The following SPRED1 variants were observed in gnomAD, a reference collection of about 807,000 sequenced individuals.
SPRED1 encodes the protein sprouty-related, EVH1 domain-containing protein 1.
SPRED1 carries 18 observed loss-of-function variants against 52.3 expected under a neutral mutation model. The observed-to-expected ratio is 0.34, with a 90% confidence interval of 0.24 to 0.51. The LOEUF (loss-of-function observed/expected upper bound fraction) is 0.51. SPRED1 is among the 20% of genes least tolerant of loss of function. The pLI, the probability that SPRED1 is intolerant of heterozygous loss-of-function variation, is 0.97. For missense variants in SPRED1, 485 were observed against 551.0 expected (o/e 0.88, Z 1.20); for synonymous variants, 155 against 179.7 (o/e 0.86, Z 1.10).
intron 1 of SPRED1, among the ~76,000 whole-genome samples, chr15:38,271,254 G>A (rs1167218793): frequency 6.6e-6 from 1 of 152,196 alleles, no homozygotes; most frequent in African/African-American, 2.4e-5. Flanking sequence ...TCAAAGTCAT[G>A]TGTATGCTGC....
chr15:38,260,184 C>T (rs1894178973), intron 1 of SPRED1, among the ~76,000 whole-genome samples: 1 of 152,136 alleles, frequency 6.6e-6, no homozygotes, highest in Admixed American at 6.5e-5. Context: ...ACTAAAGGTC[C>T]AAAATCAAAA....
In SPRED1 at chr15:38,355,597, A is replaced by G. The variant is rs1049232738; in HGVS notation, c.*3933A>G. The G allele has an allele frequency of 6.6e-6, 1 of 152,208 alleles. No homozygotes were observed. Among genetic ancestry groups the G allele is most frequent in the African/African-American group, 2.4e-5 (1 of 41,458 alleles). 9.4% of individuals were successfully genotyped at this position (152,208 alleles called of 1,614,324 possible). A position where few individuals can be genotyped will look rare whatever the true frequency, so the allele number is the denominator to read the frequency against. ...GTTGAAATTTACATTCGATTTTGTG[A>G]TTACACTTGGAAGTATGTGTTAAAT... On this transcript the variant is annotated 3_prime_UTR_variant, in exon 7 of 7. Coordinates refer to ENST00000299084, the MANE Select transcript of SPRED1 (RefSeq NM_152594.3).
intron 1 of SPRED1, among the ~76,000 whole-genome samples, chr15:38,291,216 A>AC (rs1212269268): frequency 6.6e-6 from 1 of 152,212 alleles, no homozygotes; most frequent in African/African-American, 2.4e-5. Flanking sequence ...ATCTCCTTTG[A>AC]CCCCATGTCT....
intron 4 of SPRED1, among the ~76,000 whole-genome samples, chr15:38,337,473 T>G (rs998078061): frequency 2.6e-5 from 4 of 152,242 alleles, no homozygotes; most frequent in Non-Finnish European, 5.9e-5. Flanking sequence ...ATAAATTCAC[T>G]GTGCGATATG....
chr15:38,262,751 T>G (rs915008478), intron 1 of SPRED1, among the ~76,000 whole-genome samples: 5 of 152,220 alleles, frequency 3.3e-5, no homozygotes, highest in South Asian at 2.1e-4. Flanking sequence ...TGAATATTTA[T>G]CTGACTGGTT....
At chr15:38,272,557 A>G (rs1478609190) in intron 1 of SPRED1, among the ~76,000 whole-genome samples, 2 of 152,172 alleles carry the variant, frequency 1.3e-5, no homozygotes, top group Non-Finnish European at 1.5e-5. Context: ...GGTGTGAGCC[A>G]CTGTGCCCGA....
intron 2 of SPRED1, 65 bp downstream of exon 2, chr15:38,299,612 A>T: frequency 1.3e-6 from 2 of 1,500,382 alleles, no homozygotes; most frequent in South Asian, 2.3e-5. Context: ...AGTTATGATT[A>T]GTATACTGTT....
intron 1 of SPRED1, among the ~76,000 whole-genome samples, chr15:38,258,016 G>A (rs1372297486): frequency 2.6e-5 from 4 of 152,162 alleles, no homozygotes; most frequent in Non-Finnish European, 4.4e-5. Context: ...GAACAGGAAC[G>A]ACATTAAAAA....
intron 4 of SPRED1, among the ~76,000 whole-genome samples, chr15:38,336,459 A>G (rs1321215040): frequency 1.5e-5 from 2 of 136,270 alleles, no homozygotes; most frequent in Non-Finnish European, 3.2e-5. Context: ...TGTTATATAT[A>G]TAATATTTTA....
At chr15:38,310,171 G>A (rs114482765) in intron 2 of SPRED1, among the ~76,000 whole-genome samples, 1,606 of 91,504 alleles carry the variant, frequency 0.018, 15 homozygotes, top group Middle Eastern at 0.063. Flanking sequence ...ACGAAGTTTC[G>A]CTCTTGTTGC....
chr15:38,264,480 G>A (rs1894263922), intron 1 of SPRED1, among the ~76,000 whole-genome samples: 1 of 152,194 alleles, frequency 6.6e-6, no homozygotes, highest in Non-Finnish European at 1.5e-5. Flanking sequence ...ATAGAACAAT[G>A]GCTCCAGAGT....
intron 2 of SPRED1, among the ~76,000 whole-genome samples, chr15:38,311,301 C>T (rs766327499): frequency 3.3e-5 from 5 of 152,062 alleles, no homozygotes; most frequent in South Asian, 2.1e-4. Flanking sequence ...ATTTTTGATA[C>T]GTTGTTGGAC....
intron 5 of SPRED1, among the ~76,000 whole-genome samples, chr15:38,341,394 A>AT (rs1288654363): frequency 1.4e-4 from 20 of 147,720 alleles, no homozygotes; most frequent in Admixed American, 3.4e-4. Context: ...TAGTTTCTTG[A>AT]TGTTTTTTTC....
intron 1 of SPRED1, among the ~76,000 whole-genome samples, chr15:38,269,259 A>G (rs1329780838): frequency 6.6e-6 from 1 of 150,538 alleles, no homozygotes; most frequent in African/African-American, 2.5e-5. Context: ...ACTTTTTTTT[A>G]AGAGACAGTG....
chr15:38,352,247 T>C lies in SPRED1; in HGVS notation c.*583T>C, dbSNP rs1482612300. On this transcript the variant is annotated 3_prime_UTR_variant, in exon 7 of 7. Coordinates refer to ENST00000299084, the MANE Select transcript of SPRED1 (RefSeq NM_152594.3). Reference sequence around the variant, plus strand: ...CCTTCCTAGTTCTGAAGTAGATATATATATATATATATCTACTGTCACATT... The same window carrying C: ...CCTTCCTAGTTCTGAAGTAGATATACATATATATATATCTACTGTCACATT... 6.5e-6 allele frequency: 1 copy of C among 152,792 alleles called. No homozygotes were observed. The highest frequency in any genetic ancestry group is 1.5e-5 in the Non-Finnish European group (1 of 68,366). 9.5% of individuals were successfully genotyped at this position (152,792 alleles called of 1,614,324 possible).
At chr15:38,300,232 C>T (rs983906563) in intron 2 of SPRED1, among the ~76,000 whole-genome samples, 1 of 152,082 alleles carries the variant, frequency 6.6e-6, no homozygotes, top group Non-Finnish European at 1.5e-5. Context: ...AAAGCTCCTT[C>T]ACTTTCTTTG....
intron 1 of SPRED1, among the ~76,000 whole-genome samples, chr15:38,281,106 A>G (rs571234463): frequency 2.6e-5 from 4 of 152,228 alleles, no homozygotes; most frequent in Non-Finnish European, 5.9e-5. Context: ...TAATAATGGG[A>G]GTAAACTTAG....
intron 1 of SPRED1, among the ~76,000 whole-genome samples, chr15:38,288,160 A>C (rs1894847149): frequency 6.6e-6 from 1 of 152,192 alleles, no homozygotes; most frequent in South Asian, 2.1e-4. Context: ...AGTCAAAATT[A>C]CCTGATCACA....
intron 3 of SPRED1, among the ~76,000 whole-genome samples, chr15:38,323,873 C>A (rs915523105): frequency 2.0e-5 from 3 of 152,036 alleles, no homozygotes; most frequent in African/African-American, 7.2e-5. Context: ...TAACAGTATA[C>A]CTCTTTCACT....
Sources: gnomAD v4.1 joint callset for allele counts (sites outside exome capture counted in the v4.1 genomes callset) on GRCh38, gnomAD v4.1.1 for gene constraint, MANE v1.5 for transcripts, NCBI Gene and HGNC (gene_info 2026-07-23, HGNC 2026-07-21) for gene names.